PHLDB2: variants seen among roughly 807,000 people sequenced by gnomAD.
PHLDB2 encodes the protein pleckstrin homology-like domain family B member 2.
Under a neutral mutation model 123.6 loss-of-function variants are expected in PHLDB2, and 71 were observed. The ratio of observed to expected loss-of-function variants is 0.57; its 90% CI spans 0.47 to 0.70. PHLDB2 has a LOEUF of 0.70. Ranked by LOEUF, PHLDB2 falls within the 30% of genes least tolerant of loss-of-function variation. The pLI is 0.00. For synonymous variants in PHLDB2, 547 were observed against 541.6 expected (o/e 1.01, Z -0.14); for missense variants, 1,446 against 1,519.5 (o/e 0.95, Z 0.80).
rs2072464731 is a variant in PHLDB2 at position 111,975,790 on chromosome 3, TAA to T, written c.*1230_*1231del. 6.6e-6 allele frequency: 1 copy of T among 152,670 alleles called. No individual in the cohort carries two copies. Among genetic ancestry groups the T allele is most frequent in the Admixed American group, 6.5e-5 (1 of 15,290 alleles). The allele number at this position is 152,670 out of a possible 1,614,324, so 9.5% of individuals were successfully genotyped here. A position where few individuals can be genotyped will look rare whatever the true frequency, so the allele number is the denominator to read the frequency against. On this transcript the variant is annotated 3_prime_UTR_variant, in exon 18 of 18. Transcript: ENST00000431670. Reference sequence around the variant, plus strand: ...TTGAAAGTATGAATGTGCTCTTTCCTAAAACATGGCAAATGAATAGATGTAGA... The same window carrying T: ...TTGAAAGTATGAATGTGCTCTTTCCTAACATGGCAAATGAATAGATGTAGA...
At chr3:111,820,401 T>C (rs2062314442) in intron 1 of PHLDB2, among the ~76,000 whole-genome samples, 1 of 152,208 alleles carries the variant, frequency 6.6e-6, no homozygotes, top group South Asian at 2.1e-4. Context: ...CTCAGACCCC[T>C]TGGCATTCTA....
chr3:111,944,951 C>T (rs1284058389), intron 8 of PHLDB2, among the ~76,000 whole-genome samples: 7 of 152,054 alleles, frequency 4.6e-5, no homozygotes, highest in East Asian at 1.9e-4. Flanking sequence ...GGATTACAGG[C>T]GTGAGCCATC....
At chr3:111,826,264 A>C (rs2062649748) in intron 1 of PHLDB2, among the ~76,000 whole-genome samples, 1 of 152,102 alleles carries the variant, frequency 6.6e-6, no homozygotes, top group African/African-American at 2.4e-5. Context: ...AGCCAAGAGC[A>C]TGCCACTGCA....
Position 111,941,382 on chromosome 3 carries a change from C to T in PHLDB2, c.2397+737C>T, listed in dbSNP as rs2069874390. ...TTATGCCACTGCATTAGCAATATGA[C>T]ACTTGGGACCATGAGAATGGCATGC... On this transcript the variant is annotated intron_variant, in intron 8 of 17. Transcript: ENST00000431670. Among the ~76,000 whole-genome samples the T allele has an allele frequency of 2.0e-5, 3 of 152,304 alleles. No homozygotes were observed. In the South Asian group the frequency reaches 6.2e-4, roughly 32 times the overall value.
Position 111,972,063 on chromosome 3 carries a change from T to C in PHLDB2, c.3536-1669T>C, listed in dbSNP as rs539871805. 3.9e-5 allele frequency among the ~76,000 whole-genome samples: 6 copies of C among 152,330 alleles called. No homozygotes were observed. In the East Asian group the frequency reaches 5.8e-4, roughly 15 times the overall value. ...ATTTTTCAGAGTTCTTTCTCATATA[T>C]GAAGTGCCCTGCAAACCAAAGTTTC... On this transcript the variant is annotated intron_variant, in intron 16 of 17. Coordinates refer to ENST00000431670, the MANE Select transcript of PHLDB2 (RefSeq NM_001134438.2).
At chr3:111,969,238 C>T (rs1238901864) in intron 15 of PHLDB2, among the ~76,000 whole-genome samples, 1 of 152,128 alleles carries the variant, frequency 6.6e-6, no homozygotes, top group East Asian at 1.9e-4. Flanking sequence ...GCCGTACTTA[C>T]TAAATAGTGT....
chr3:111,785,462 T>G (rs2060645025), intron 1 of PHLDB2, among the ~76,000 whole-genome samples: 1 of 152,160 alleles, frequency 6.6e-6, no homozygotes, highest in African/African-American at 2.4e-5. Context: ...GAAGGATACA[T>G]TTGGAATTCT....
chr3:111,876,479 T>A (rs1576968677), intron 1 of PHLDB2, among the ~76,000 whole-genome samples: 1 of 152,326 alleles, frequency 6.6e-6, no homozygotes, highest in East Asian at 1.9e-4. Context: ...AAATAACACA[T>A]ATTTTATATG....
intron 1 of PHLDB2, among the ~76,000 whole-genome samples, chr3:111,741,445 T>A (rs2059603170): frequency 6.6e-6 from 1 of 152,222 alleles, no homozygotes; most frequent in South Asian, 2.1e-4. Flanking sequence ...CCATAAATCT[T>A]CAGGCATTTG....
chr3:111,825,962 ATTATT>A (rs1274673051), intron 1 of PHLDB2, among the ~76,000 whole-genome samples: 2 of 152,020 alleles, frequency 1.3e-5, no homozygotes, highest in African/African-American at 4.8e-5. Flanking sequence ...TAAAATTTGG[ATTATT>A]TTATTTTTGT....
intron 11 of PHLDB2, among the ~76,000 whole-genome samples, chr3:111,953,078 C>T (rs72940244): frequency 0.02 from 3,043 of 152,260 alleles, 103 homozygotes; most frequent in African/African-American, 0.068. Context: ...ATGTAGCTGA[C>T]GCTGGGTTGA....
In PHLDB2 at chr3:111,819,916, C is replaced by T. The variant is rs115720604; in HGVS notation, c.-48-25905C>T. ...AAACCAAACAAGGTTGACAAGTCCTCATTTAGTAACCGCATCTGGCATGGT... is the reference window on the plus strand; with the variant it reads ...AAACCAAACAAGGTTGACAAGTCCTTATTTAGTAACCGCATCTGGCATGGT... On this transcript the variant is annotated intron_variant, in intron 1 of 17. Coordinates refer to the PHLDB2 transcript ENST00000393923. Among the ~76,000 whole-genome samples, 661 of 152,358 alleles carry T rather than the reference C, an allele frequency of 4.3e-3. 1 individual carries two copies. The highest frequency in any genetic ancestry group is 7.6e-3 in the Non-Finnish European group (518 of 68,032).
chr3:111,834,315 TTA>T (rs1472577584), intron 1 of PHLDB2, among the ~76,000 whole-genome samples: 2 of 138,870 alleles, frequency 1.4e-5, no homozygotes, highest in South Asian at 2.2e-4. Context: ...TATAATTCTA[TTA>T]TATATATAAT....
chr3:111,906,146 T>C (rs1389726424), intron 2 of PHLDB2, among the ~76,000 whole-genome samples: 3 of 152,244 alleles, frequency 2.0e-5, no homozygotes, highest in Non-Finnish European at 2.9e-5. Flanking sequence ...CTAGGCGCAA[T>C]AAACTATTAC....
intron 15 of PHLDB2, among the ~76,000 whole-genome samples, chr3:111,968,214 GGAATGGAA>G (rs1158243850): frequency 6.6e-6 from 1 of 152,086 alleles, no homozygotes; most frequent in African/African-American, 2.4e-5. Flanking sequence ...CTTTGCTTGG[GGAATGGAA>G]GAGGTCCTAC....
chr3:111,861,822 A>G (rs2064846827), intron 1 of PHLDB2, among the ~76,000 whole-genome samples: 1 of 152,170 alleles, frequency 6.6e-6, no homozygotes, highest in African/African-American at 2.4e-5. Flanking sequence ...GTGATTAACC[A>G]ATCTCTGGTT....
At chr3:111,806,890 C>T (rs2061613686) in intron 1 of PHLDB2, among the ~76,000 whole-genome samples, 2 of 151,796 alleles carry the variant, frequency 1.3e-5, no homozygotes. Context: ...CCTGCCTTGG[C>T]CTCCTAAAGT....
At chr3:111,834,414 T>G (rs528355181) in intron 1 of PHLDB2, among the ~76,000 whole-genome samples, 1 of 147,764 alleles carries the variant, frequency 6.8e-6, no homozygotes, top group East Asian at 2.0e-4. Flanking sequence ...TACACACATA[T>G]AGCTTTACAA....
At chr3:111,842,926 T>C (rs1472752818) in intron 1 of PHLDB2, among the ~76,000 whole-genome samples, 3 of 152,268 alleles carry the variant, frequency 2.0e-5, no homozygotes, top group African/African-American at 7.2e-5. Flanking sequence ...GTTGAAGCAT[T>C]GTCAGTACTT....
Sources: gnomAD v4.1 joint callset for allele counts (sites outside exome capture counted in the v4.1 genomes callset) on GRCh38, gnomAD v4.1.1 for gene constraint, MANE v1.5 for transcripts, NCBI Gene and HGNC (gene_info 2026-07-23, HGNC 2026-07-21) for gene names.